PDXDC1: variants seen among roughly 807,000 people sequenced by gnomAD.
PDXDC1 encodes pyridoxal-dependent decarboxylase domain-containing protein 1.
In PDXDC1, 42 loss-of-function variants were observed where a neutral mutation model predicts 100.1. That is an observed-to-expected ratio of 0.42 (90% CI 0.33 to 0.54). The LOEUF is 0.54. PDXDC1 is among the 20% of genes least tolerant of loss of function. The pLI, the probability that PDXDC1 is intolerant of heterozygous loss-of-function variation, is 0.10. For missense variants in PDXDC1, 636 were observed against 979.2 expected (o/e 0.65, Z 4.68); for synonymous variants, 260 against 371.7 (o/e 0.70, Z 3.46).
intron 16 of PDXDC1, among the ~76,000 whole-genome samples, chr16:15,062,925 C>T (rs1410611494): frequency 6.6e-6 from 1 of 152,208 alleles, no homozygotes; most frequent in Non-Finnish European, 1.5e-5. Flanking sequence ...TGCCATGCTG[C>T]ATTTACAGCT....
chr16:14,986,394 G>A (rs574942968), intron 1 of PDXDC1, among the ~76,000 whole-genome samples: 79 of 152,358 alleles, frequency 5.2e-4, no homozygotes, highest in Non-Finnish European at 9.7e-4. Flanking sequence ...ACTTGAACCC[G>A]GGAGGCGGAG....
chr16:15,051,519 G>C (rs1195105732), intron 16 of PDXDC1, among the ~76,000 whole-genome samples: 2 of 151,002 alleles, frequency 1.3e-5, no homozygotes, highest in Non-Finnish European at 3.0e-5. Flanking sequence ...GCTAGTTTTT[G>C]TACTGTTTGT....
chr16:15,059,173 G>T (rs974005508), intron 16 of PDXDC1, among the ~76,000 whole-genome samples: 3 of 152,162 alleles, frequency 2.0e-5, no homozygotes, highest in Admixed American at 6.5e-5. Context: ...TTCAATCAAA[G>T]GTTGAGTTGG....
In PDXDC1 at chr16:15,034,283, C is replaced by G; in HGVS notation, c.1813-3C>G. The G allele has an allele frequency of 6.2e-7, 1 of 1,612,860 alleles. No homozygotes were observed. Among genetic ancestry groups the G allele is most frequent in the Non-Finnish European group, 8.5e-7 (1 of 1,179,732 alleles). On this transcript the variant is annotated splice_region_variant and splice_polypyrimidine_tract_variant and intron_variant, in intron 19 of 22. Coordinates refer to ENST00000396410, the MANE Select transcript of PDXDC1 (RefSeq NM_015027.4). ...AGTAATGTCTTTCTTGGTCTTGCCA[C>G]AGCTTCTGGAAAACATGACAGAAGT...
At chr16:15,101,238 A>G (rs561899881) in intron 16 of PDXDC1, among the ~76,000 whole-genome samples, 1 of 152,360 alleles carries the variant, frequency 6.6e-6, no homozygotes, top group Non-Finnish European at 1.5e-5. Context: ...TATGAAATAT[A>G]CTAGGATACT....
At chr16:15,039,708 C>T (rs2151685656), downstream of PDXDC1, among the ~76,000 whole-genome samples, 1 of 152,256 alleles carries the variant, frequency 6.6e-6, no homozygotes, top group Non-Finnish European at 1.5e-5. Flanking sequence ...GAAGTTTGTT[C>T]TCTTTGAATT....
chr16:15,140,989 C>T (rs1160490340), downstream of PDXDC1, among the ~76,000 whole-genome samples: 1 of 152,160 alleles, frequency 6.6e-6, no homozygotes, highest in Non-Finnish European at 1.5e-5. Context: ...CAATGACCAC[C>T]CGGCAGCCAG....
At chr16:15,023,689 G>T (rs1300469042) in intron 13 of PDXDC1, among the ~76,000 whole-genome samples, 2 of 152,266 alleles carry the variant, frequency 1.3e-5, no homozygotes, top group Non-Finnish European at 2.9e-5. Flanking sequence ...TTGGTTGAAG[G>T]GGGTGTGGCT....
intron 1 of PDXDC1, among the ~76,000 whole-genome samples, chr16:14,985,577 G>A (rs138164178): frequency 2.1e-3 from 327 of 152,118 alleles, no homozygotes; most frequent in Admixed American, 7.6e-3. Context: ...GAGCCACCGC[G>A]CCTGGCCTTG....
At chr16:15,111,493 C>T (rs949947930) in intron 16 of PDXDC1, among the ~76,000 whole-genome samples, 2 of 147,056 alleles carry the variant, frequency 1.4e-5, no homozygotes, top group Admixed American at 1.4e-4. Context: ...GGTGTGGTAG[C>T]TCACGCCTGT....
intron 1 of PDXDC1, among the ~76,000 whole-genome samples, chr16:14,975,820 C>G (rs1165080702): frequency 6.6e-6 from 1 of 152,302 alleles, no homozygotes; most frequent in Admixed American, 6.5e-5. Flanking sequence ...CCACTCCGCC[C>G]CACGCAGGTG....
At chr16:15,136,141 G>C in intron 16 of PDXDC1, 1 of 1,401,976 alleles carries the variant, frequency 7.1e-7, no homozygotes. Flanking sequence ...CCTGGGGGCG[G>C]GTGTGGGATG....
intron 16 of PDXDC1, chr16:15,128,096 C>G: frequency 6.2e-7 from 1 of 1,608,898 alleles, no homozygotes; most frequent in Non-Finnish European, 8.5e-7. Context: ...CTGCAGGTCC[C>G]TGATGATGAC....
At chr16:14,975,798 ACCGCCCCGCTCCCACT>A (rs1199156179) in intron 1 of PDXDC1, among the ~76,000 whole-genome samples, 7 of 152,284 alleles carry the variant, frequency 4.6e-5, no homozygotes, top group African/African-American at 7.2e-5. Context: ...TTTAACCGCC[ACCGCCCCGCTCCCACT>A]CCGCCCCACG....
At chr16:15,128,700 G>A (rs1463321499) in intron 16 of PDXDC1, among the ~76,000 whole-genome samples, 3 of 151,844 alleles carry the variant, frequency 2.0e-5, no homozygotes, top group South Asian at 2.1e-4. Flanking sequence ...CCTCAGTCAC[G>A]CCACAACCAG....
chr16:15,001,507 T>C (rs1311107189), intron 3 of PDXDC1, among the ~76,000 whole-genome samples: 1 of 152,260 alleles, frequency 6.6e-6, no homozygotes, highest in African/African-American at 2.4e-5. Context: ...TAAATAAAAA[T>C]AAAAAGACTG....
chr16:15,061,666 T>C (rs560636761), intron 16 of PDXDC1: 11 of 1,407,350 alleles, frequency 7.8e-6, no homozygotes, highest in Non-Finnish European at 1.1e-5. Context: ...CAATGCCCAA[T>C]GGCACAAGCT....
chr16:15,048,341 C>T (rs1485325419), intron 16 of PDXDC1, among the ~76,000 whole-genome samples: 1 of 152,112 alleles, frequency 6.6e-6, no homozygotes, highest in African/African-American at 2.4e-5. Flanking sequence ...GTCATAGTAA[C>T]CTATGAAATG....
chr16:15,054,713 G>A (rs1195015925), intron 16 of PDXDC1, among the ~76,000 whole-genome samples: 1 of 152,138 alleles, frequency 6.6e-6, no homozygotes, highest in East Asian at 1.9e-4. Context: ...CATTTATGCA[G>A]CAAATCTTTA....
Sources: allele counts gnomAD v4.1 joint callset (sites outside exome capture counted in the v4.1 genomes callset), GRCh38; gene constraint gnomAD v4.1.1; transcripts MANE v1.5; gene names NCBI Gene and HGNC (gene_info 2026-07-23, HGNC 2026-07-21).